CACNA1D: variants seen among roughly 807,000 people sequenced by gnomAD.
CACNA1D encodes the protein voltage-dependent L-type calcium channel subunit alpha-1D.
Under a neutral mutation model 257.1 loss-of-function variants are expected in CACNA1D, and 55 were observed. The ratio of observed to expected loss-of-function variants is 0.21; its 90% confidence interval spans 0.17 to 0.27. The LOEUF is 0.27. CACNA1D is among the 10% of genes least tolerant of loss of function. The pLI is 1.00. For missense variants in CACNA1D, 1,876 were observed against 2,784.0 expected, an observed-to-expected ratio of 0.67 and a Z score of 7.34; for synonymous variants, 980 against 1,014.9, an observed-to-expected ratio of 0.97 and a Z score of 0.65.
intron 3 of CACNA1D, among the ~76,000 whole-genome samples, chr3:53,625,741 T>G (rs2093750926): frequency 1.3e-5 from 2 of 152,370 alleles, no homozygotes; most frequent in Non-Finnish European, 2.9e-5. Flanking sequence ...AGATTTCTAT[T>G]AGACCTTCAT....
At chr3:53,627,557 C>T (rs1221644357) in intron 3 of CACNA1D, among the ~76,000 whole-genome samples, 1 of 139,658 alleles carries the variant, frequency 7.2e-6, no homozygotes, top group African/African-American at 2.7e-5. Context: ...ACAAGGCTGC[C>T]AACATGCTGA....
At chr3:53,521,349 A>G (rs924866739) in intron 3 of CACNA1D, among the ~76,000 whole-genome samples, 5 of 152,082 alleles carry the variant, frequency 3.3e-5, no homozygotes, top group East Asian at 1.9e-4. Context: ...GGCCTCTTCA[A>G]TTTCTTGATG....
chr3:53,697,556 A>AT (rs148875136), intron 8 of CACNA1D, among the ~76,000 whole-genome samples: 3,534 of 152,226 alleles, frequency 0.023, 153 homozygotes, highest in African/African-American at 0.08. Context: ...AAGCATTCAA[A>AT]TTTTTTTCTA....
At chr3:53,658,761 G>A (rs981380061) in intron 4 of CACNA1D, among the ~76,000 whole-genome samples, 1 of 152,224 alleles carries the variant, frequency 6.6e-6, no homozygotes, top group East Asian at 1.9e-4. Context: ...AGAGAAGCCT[G>A]TCATAAATTT....
At chr3:53,524,263 T>C (rs1247867480) in intron 3 of CACNA1D, among the ~76,000 whole-genome samples, 2 of 152,222 alleles carry the variant, frequency 1.3e-5, no homozygotes, top group Admixed American at 6.5e-5. Context: ...CAGGACATCC[T>C]GGGAAGGATT....
At chr3:53,551,308 G>C (rs1236366640) in intron 3 of CACNA1D, among the ~76,000 whole-genome samples, 2 of 152,176 alleles carry the variant, frequency 1.3e-5, no homozygotes, top group Non-Finnish European at 2.9e-5. Context: ...GGGTTGGCAG[G>C]TTTAAGGTCA....
intron 37 of CACNA1D, among the ~76,000 whole-genome samples, chr3:53,778,492 A>G (rs1175612227): frequency 6.6e-6 from 1 of 152,256 alleles, no homozygotes; most frequent in Non-Finnish European, 1.5e-5. Context: ...CAAGATTCCA[A>G]ATCATCAATA....
chr3:53,643,158 A>G (rs3774503), intron 3 of CACNA1D, among the ~76,000 whole-genome samples: 16,707 of 152,232 alleles, frequency 0.11, 1,082 homozygotes, highest in African/African-American at 0.17. Context: ...ACCGAAGGTG[A>G]AGAAAGATGA....
chr3:53,778,716 G>A (rs185415322), intron 37 of CACNA1D, among the ~76,000 whole-genome samples: 95 of 152,296 alleles, frequency 6.2e-4, no homozygotes, highest in Admixed American at 6.1e-3. Context: ...CAGAGAGGGT[G>A]TACCTCACCC....
rs367786816 is a variant in CACNA1D, at chr3:53,702,799, G to T, written c.1379G>T (p.Gly460Val). 6.2e-7 allele frequency: 1 copy of T among 1,614,072 alleles called. No individual in the cohort carries two copies. The highest frequency in any genetic ancestry group is 8.5e-7 in the Non-Finnish European group (1 of 1,180,042). Reference protein sequence around the residue: ...PENEEEGGEEGKRNTSMPTSE... With the variant: ...PENEEEGGEEVKRNTSMPTSE... Reference sequence around the variant, plus strand: ...AATGAGGAAGAAGGAGGAGAGGAAGGCAAACGAAATAGTATGTAGCGCCTT... The same window carrying T: ...AATGAGGAAGAAGGAGGAGAGGAAGTCAAACGAAATAGTATGTAGCGCCTT... The change falls in exon 9 of 48, where the codon GGC (glycine) becomes GTC (valine). Residue 460 changes from glycine (G) to valine (V), a missense_variant. By Grantham distance (109) the Gly-to-Val change is moderately radical. This residue lies in a region of CACNA1D where 257 missense variants were observed against 399.7 expected (regional missense o/e 0.64). Coordinates refer to ENST00000350061, the MANE Select transcript of CACNA1D (RefSeq NM_001128840.3).
chr3:53,682,565 AAAAG>A (rs1051502710), intron 8 of CACNA1D, among the ~76,000 whole-genome samples: 28 of 151,080 alleles, frequency 1.9e-4, no homozygotes, highest in African/African-American at 4.1e-4. Context: ...TTAAAAAAAA[AAAAG>A]AAGAAGAAGA....
At chr3:53,667,935 CA>C (rs11296827) in intron 7 of CACNA1D, among the ~76,000 whole-genome samples, 15,566 of 152,010 alleles carry the variant, frequency 0.1, 880 homozygotes, top group Non-Finnish European at 0.11. Flanking sequence ...TTGGCTGAGC[CA>C]GGGGCATGGC....
intron 3 of CACNA1D, among the ~76,000 whole-genome samples, chr3:53,504,826 A>G (rs1395141323): frequency 1.3e-5 from 2 of 152,162 alleles, no homozygotes; most frequent in African/African-American, 4.8e-5. Context: ...GCAAACCGAC[A>G]TGGTTGAACA....
At chr3:53,662,883 G>A (rs1474149551) in intron 5 of CACNA1D, among the ~76,000 whole-genome samples, 1 of 152,224 alleles carries the variant, frequency 6.6e-6, no homozygotes. Flanking sequence ...ACTGCTGGGG[G>A]TTAGTTTTGC....
At chr3:53,622,201 C>G (rs2093704394) in intron 3 of CACNA1D, among the ~76,000 whole-genome samples, 1 of 152,156 alleles carries the variant, frequency 6.6e-6, no homozygotes, top group South Asian at 2.1e-4. Flanking sequence ...CAGGCGTAAG[C>G]CACCATGCCT....
intron 8 of CACNA1D, among the ~76,000 whole-genome samples, chr3:53,680,493 G>GC (rs1208731298): frequency 4.6e-5 from 7 of 152,122 alleles, no homozygotes. Flanking sequence ...CTCCACCTGT[G>GC]CTCTGGGTTG....
At chr3:53,734,164 C>T (rs1036244057) in intron 19 of CACNA1D, among the ~76,000 whole-genome samples, 8 of 150,942 alleles carry the variant, frequency 5.3e-5, no homozygotes, top group African/African-American at 1.2e-4. Context: ...CAGGGGGGTA[C>T]GCCCAGCATT....
At chr3:53,798,461 C>A (rs759711310) in intron 40 of CACNA1D, among the ~76,000 whole-genome samples, 84 of 152,314 alleles carry the variant, frequency 5.5e-4, no homozygotes, top group Non-Finnish European at 1.0e-3. Flanking sequence ...CCTCCCTGAC[C>A]ACCCCAAGAA....
intron 29 of CACNA1D, among the ~76,000 whole-genome samples, chr3:53,755,881 G>A (rs1381029984): frequency 2.6e-5 from 4 of 152,152 alleles, no homozygotes; most frequent in Non-Finnish European, 5.9e-5. Context: ...AGCCAGGGAG[G>A]CCTCCTCCCT....
Sources: gnomAD v4.1 joint callset for allele counts (sites outside exome capture counted in the v4.1 genomes callset) on GRCh38, gnomAD v4.1.1 for gene constraint, gnomAD v4.1.1 regional missense constraint, MANE v1.5 for transcripts, NCBI Gene and HGNC (gene_info 2026-07-23, HGNC 2026-07-21) for gene names.